EXOC6B: variants seen among roughly 807,000 people sequenced by gnomAD.
The protein encoded by EXOC6B is SEC15 homolog B.
Under a neutral mutation model 113.5 loss-of-function variants are expected in EXOC6B, and 54 were observed. That is an observed-to-expected ratio of 0.48 (90% CI 0.38 to 0.60). The LOEUF (loss-of-function observed/expected upper bound fraction) is 0.60, where lower values mean the gene tolerates loss of function less well. Ranked by LOEUF, EXOC6B falls within the 20% of genes least tolerant of loss-of-function variation. EXOC6B has a pLI of 0.00. For missense variants in EXOC6B, 797 were observed against 977.5 expected, an observed-to-expected ratio of 0.82 and a Z score of 2.46; for synonymous variants, 357 against 339.0, an observed-to-expected ratio of 1.05 and a Z score of -0.58.
intron 6 of EXOC6B, among the ~76,000 whole-genome samples, chr2:72,600,815 A>G (rs1670379651): frequency 6.6e-6 from 1 of 152,184 alleles, no homozygotes; most frequent in Non-Finnish European, 1.5e-5. Flanking sequence ...ACAACACCAA[A>G]AGCATGACCT....
intron 6 of EXOC6B, among the ~76,000 whole-genome samples, chr2:72,620,639 A>G (rs566936336): frequency 6.6e-6 from 1 of 151,772 alleles, no homozygotes; most frequent in African/African-American, 2.4e-5. Context: ...TACAACAAAA[A>G]ATATAAATTG....
intron 6 of EXOC6B, among the ~76,000 whole-genome samples, chr2:72,585,406 T>G (rs1705494730): frequency 6.6e-6 from 1 of 152,136 alleles, no homozygotes; most frequent in East Asian, 1.9e-4. Flanking sequence ...GAGACCAGCC[T>G]GGCCAACACG....
At chr2:72,647,810 C>A (rs1673851984) in intron 6 of EXOC6B, among the ~76,000 whole-genome samples, 1 of 152,054 alleles carries the variant, frequency 6.6e-6, no homozygotes, top group Non-Finnish European at 1.5e-5. Context: ...AATGTTAGAC[C>A]TAAAACCATA....
intron 20 of EXOC6B, among the ~76,000 whole-genome samples, chr2:72,263,041 G>C (rs936970872): frequency 5.9e-5 from 9 of 152,142 alleles, no homozygotes; most frequent in Non-Finnish European, 8.8e-5. Flanking sequence ...TTTAGAATTA[G>C]AACTAATTTT....
At chr2:72,227,983 T>C (rs987245652) in intron 20 of EXOC6B, among the ~76,000 whole-genome samples, 3 of 152,084 alleles carry the variant, frequency 2.0e-5, no homozygotes, top group Admixed American at 6.5e-5. Flanking sequence ...GATAAAATGA[T>C]ATGAAAGGGC....
chr2:72,548,414 A>G (rs1703025047), intron 8 of EXOC6B, among the ~76,000 whole-genome samples: 2 of 152,196 alleles, frequency 1.3e-5, no homozygotes, highest in African/African-American at 4.8e-5. Context: ...TAAAAATAAT[A>G]AATATTGCCA....
At chr2:72,289,976 G>C (rs570390687) in intron 20 of EXOC6B, among the ~76,000 whole-genome samples, 19 of 152,324 alleles carry the variant, frequency 1.2e-4, no homozygotes, top group African/African-American at 4.6e-4. Context: ...TGACTTTTCT[G>C]TGAGAAATTC....
At chr2:72,399,689 C>A (rs1366542984) in intron 18 of EXOC6B, among the ~76,000 whole-genome samples, 4 of 152,088 alleles carry the variant, frequency 2.6e-5, no homozygotes, top group African/African-American at 9.7e-5. Flanking sequence ...ATCACATTTA[C>A]AACAGCTACA....
intron 6 of EXOC6B, among the ~76,000 whole-genome samples, chr2:72,633,950 G>A (rs1157727316): frequency 6.6e-6 from 1 of 152,076 alleles, no homozygotes. Flanking sequence ...GATCAAGAAA[G>A]CTCCCTTTGG....
intron 17 of EXOC6B, among the ~76,000 whole-genome samples, 198 bp downstream of exon 17, chr2:72,480,418 G>A (rs1440818798): frequency 6.6e-6 from 1 of 152,046 alleles, no homozygotes; most frequent in East Asian, 1.9e-4. Context: ...ATTTTGTTTC[G>A]TTTTGTTTAA....
intron 8 of EXOC6B, among the ~76,000 whole-genome samples, chr2:72,533,198 T>G (rs1340455642): frequency 2.0e-5 from 3 of 152,184 alleles, no homozygotes. Flanking sequence ...CAGTGAAGGA[T>G]GATCTACTCT....
chr2:72,356,561 T>A (rs1689981915), intron 19 of EXOC6B, among the ~76,000 whole-genome samples: 2 of 152,012 alleles, frequency 1.3e-5, no homozygotes, highest in East Asian at 1.9e-4. Context: ...AAAAACAAAC[T>A]AACTAACTAA....
At chr2:72,568,040 G>A (rs1178774158) in intron 7 of EXOC6B, among the ~76,000 whole-genome samples, 1 of 151,988 alleles carries the variant, frequency 6.6e-6, no homozygotes, top group Admixed American at 6.6e-5. Flanking sequence ...ATTACAAAGT[G>A]GGACGGGTAC....
intron 19 of EXOC6B, among the ~76,000 whole-genome samples, chr2:72,379,011 A>G (rs1691523598): frequency 6.6e-6 from 1 of 152,206 alleles, no homozygotes; most frequent in African/African-American, 2.4e-5. Flanking sequence ...GACATACAGG[A>G]AAGTTTGTCA....
chr2:72,659,811 A>G (rs1441461443), intron 6 of EXOC6B, among the ~76,000 whole-genome samples: 1 of 152,216 alleles, frequency 6.6e-6, no homozygotes, highest in African/African-American at 2.4e-5. Context: ...TGTAAACAGT[A>G]TAGTATTTCA....
At chr2:72,226,291 T>C (rs928471686) in intron 20 of EXOC6B, among the ~76,000 whole-genome samples, 2 of 152,312 alleles carry the variant, frequency 1.3e-5, no homozygotes, top group African/African-American at 4.8e-5. Context: ...TAATATATCA[T>C]TGTTAATTTC....
intron 6 of EXOC6B, among the ~76,000 whole-genome samples, chr2:72,699,449 G>T (rs761715406): frequency 1.3e-5 from 2 of 149,422 alleles, no homozygotes; most frequent in Non-Finnish European, 3.0e-5. Context: ...CTGCATCCCA[G>T]CCTGGGCGAC....
chr2:72,754,104 C>G (rs61619102), intron 1 of EXOC6B, among the ~76,000 whole-genome samples: 42,040 of 151,838 alleles, frequency 0.28, 7,553 homozygotes, highest in African/African-American at 0.51. Flanking sequence ...CTGGGATGGT[C>G]TCAAACTCCT....
Position 72,604,222 on chromosome 2 carries a change from T to C in EXOC6B, c.670-28554A>G, listed in dbSNP as rs548575377. Among the ~76,000 whole-genome samples, 4 of 152,280 alleles carry C rather than the reference T, an allele frequency of 2.6e-5. No homozygotes were observed. The East Asian group carries it at 7.7e-4, about 29-fold the overall frequency. ...GTCGGTGTTACTGAAATAAATCTCA[T>C]ACATGCCTAGAGACTTCCCCCTGAG... On this transcript the variant is annotated intron_variant, in intron 6 of 21. Transcript: ENST00000272427.
Sources: gnomAD v4.1 joint callset for allele counts (sites outside exome capture counted in the v4.1 genomes callset) on GRCh38, gnomAD v4.1.1 for gene constraint, MANE v1.5 for transcripts, NCBI Gene and HGNC (gene_info 2026-07-23, HGNC 2026-07-21) for gene names.